The following DCAF13 variants were observed in gnomAD, a reference collection of about 807,000 sequenced individuals.
The protein encoded by DCAF13 is DDB1- and CUL4-associated factor 13.
In DCAF13, 38 loss-of-function variants were observed where a neutral mutation model predicts 59.0. That is an observed-to-expected ratio of 0.64 (90% CI 0.50 to 0.84). The LOEUF (loss-of-function observed/expected upper bound fraction) is 0.84, where lower values mean the gene tolerates loss of function less well. DCAF13 is among the 40% of genes least tolerant of loss of function. DCAF13 has a pLI of 0.00. For missense variants in DCAF13, 469 were observed against 558.4 expected (o/e 0.84, Z 1.61); for synonymous variants, 173 against 175.0 (o/e 0.99, Z 0.09).
intron 4 of DCAF13, 128 bp downstream of exon 4, chr8:103,426,273 G>T (rs1184710790): frequency 3.7e-6 from 2 of 536,158 alleles, no homozygotes; most frequent in Non-Finnish European, 3.3e-6. Context: ...GGCTGTAATT[G>T]TTGACCCATT....
rs774270409 is a variant in DCAF13 at position 103,420,347 on chromosome 8, C to T, written c.154C>T (p.Arg52Ter). The change falls in exon 2 of 11, where the codon CGA becomes TGA. Residue 52 changes from arginine to a stop codon, truncating the protein, a stop_gained. Coordinates refer to ENST00000612750, the MANE Select transcript of DCAF13 (RefSeq NM_015420.7). LOFTEE classifies it high-confidence loss of function. ...IRALNATKLE[R>*]VFAKPFLASL... ...AGCTTTAAATGCTACCAAACTGGAA[C>T]GAGTATTTGCAAAACCATTCCTTGC... The T allele has an allele frequency of 1.5e-4, 249 of 1,614,016 alleles. No homozygotes were observed. Among genetic ancestry groups the T allele is most frequent in the Non-Finnish European group, 2.1e-4 (246 of 1,180,024 alleles).
At chr8:103,423,101 C>G (rs565360834) in intron 3 of DCAF13, among the ~76,000 whole-genome samples, 2 of 152,222 alleles carry the variant, frequency 1.3e-5, no homozygotes, top group East Asian at 3.9e-4. Flanking sequence ...CCTGACCCTG[C>G]AAGCCCAGTG....
At chr8:103,425,829 G>A (rs1816784403) in intron 3 of DCAF13, among the ~76,000 whole-genome samples, 1 of 151,826 alleles carries the variant, frequency 6.6e-6, no homozygotes, top group Non-Finnish European at 1.5e-5. Flanking sequence ...CCCTGTTCTT[G>A]TTTTTCTTTT....
chr8:103,418,220 AT>A (rs1816653956), intron 1 of DCAF13, among the ~76,000 whole-genome samples: 2 of 152,116 alleles, frequency 1.3e-5, no homozygotes, highest in Non-Finnish European at 2.9e-5. Context: ...GTATAAGATA[AT>A]GAAGACCCAA....
intron 7 of DCAF13, among the ~76,000 whole-genome samples, 154 bp from the exon 8 acceptor site, chr8:103,435,472 T>G (rs772820363): frequency 2.0e-5 from 3 of 152,150 alleles, no homozygotes; most frequent in Admixed American, 6.6e-5. Context: ...GTTGAAATTT[T>G]TCCTTATCCC....
At position 103,432,266 on chromosome 8, in the gene DCAF13, T is replaced by G. The variant is rs1195956684; in HGVS notation, c.703-393T>G. ...CAACAGTGTTCCCATTGAGAAACAC[T>G]GAATTACTGATCCTTCACAGGTCAG... On this transcript the variant is annotated intron_variant, in intron 6 of 10. Transcript: ENST00000612750. 2.0e-5 allele frequency among the ~76,000 whole-genome samples: 3 copies of G among 152,208 alleles called. No individual in the cohort carries two copies. The East Asian group carries it at 5.8e-4, about 29-fold the overall frequency.
At chr8:103,423,700 G>A (rs1432899176) in intron 3 of DCAF13, among the ~76,000 whole-genome samples, 1 of 152,168 alleles carries the variant, frequency 6.6e-6, no homozygotes, top group East Asian at 1.9e-4. Context: ...AGTATGTGAG[G>A]TAACAGATAT....
At chr8:103,441,366 G>C in intron 9 of DCAF13, 89 bp from the exon 10 acceptor site, 2 of 1,271,662 alleles carry the variant, frequency 1.6e-6, no homozygotes, top group Non-Finnish European at 2.1e-6. Flanking sequence ...TAAAAGATTA[G>C]GTTAGGGGGA....
rs898719369 is a variant in DCAF13, at chr8:103,443,046, G to A, written c.*164G>A. The A allele has an allele frequency of 4.3e-5, 21 of 492,794 alleles. No homozygotes were observed. The highest frequency in any genetic ancestry group is 4.2e-4 in the African/African-American group (21 of 50,182). The allele number at this position is 492,794 out of a possible 1,614,324, so 30.5% of individuals were successfully genotyped here. A position where few individuals can be genotyped will look rare whatever the true frequency, so the allele number is the denominator to read the frequency against. On this transcript the variant is annotated 3_prime_UTR_variant, in exon 11 of 11. Coordinates refer to ENST00000612750, the MANE Select transcript of DCAF13 (RefSeq NM_015420.7). ...ACCCTGAAAAATGATCCTTAAAGGT[G>A]GCCTAGTTGGTAAGACTGTTTTATC...
chr8:103,439,899 A>G (rs1816984695), intron 8 of DCAF13: 1 of 275,424 alleles, frequency 3.6e-6, no homozygotes, highest in Non-Finnish European at 6.7e-6. Context: ...TAGTTTGTTC[A>G]TATTTATTTC....
intron 6 of DCAF13, among the ~76,000 whole-genome samples, chr8:103,431,490 A>G (rs1389568676): frequency 6.6e-6 from 1 of 152,238 alleles, no homozygotes; most frequent in African/African-American, 2.4e-5. Flanking sequence ...TTAGGAGAGT[A>G]CATTCATTGA....
At position 103,442,805 on chromosome 8, in the gene DCAF13, C is replaced by T. The variant is rs763941283; in HGVS notation, c.1261C>T (p.Arg421Cys). 2.4e-5 allele frequency: 37 copies of T among 1,572,900 alleles called. No individual in the cohort carries two copies. The highest frequency in any genetic ancestry group is 2.7e-5 in the African/African-American group (2 of 73,372). The change falls in exon 11 of 11, where the codon CGT (arginine) becomes TGT (cysteine). Residue 421 changes from arginine (R) to cysteine (C), a missense_variant. Arg to Cys is a radical substitution (Grantham distance 180). Transcript: ENST00000612750. ...ATATTTTATTTCTAGGGAAGTGAAT[C>T]GTATTAAACACAGCAAGCCTGGATC... ...KEARRRKEVN[R>C]IKHSKPGSVP...
At chr8:103,442,735 A>G in intron 10 of DCAF13, 60 bp from the exon 11 acceptor site, 1 of 1,167,802 alleles carries the variant, frequency 8.6e-7, no homozygotes, top group South Asian at 1.8e-5. Flanking sequence ...TTTTTCTGAG[A>G]AAGTTTTCTT....
At chr8:103,440,457 G>A (rs1816995331) in intron 9 of DCAF13, 186 bp downstream of exon 9, 1 of 446,166 alleles carries the variant, frequency 2.2e-6, no homozygotes, top group Non-Finnish European at 3.9e-6. Flanking sequence ...ATCTATTATT[G>A]TAGACACTGT....
chr8:103,441,343 T>C (rs1817007833), intron 9 of DCAF13, 112 bp from the exon 10 acceptor site: 4 of 896,140 alleles, frequency 4.5e-6, no homozygotes, highest in Non-Finnish European at 6.6e-6. Flanking sequence ...TTGGCAATTT[T>C]GGTTGCATAT....
chr8:103,441,781 CTTTTT>C, intron 10 of DCAF13, 163 bp downstream of exon 10: 3 of 511,086 alleles, frequency 5.9e-6, no homozygotes, highest in Non-Finnish European at 9.7e-6. Context: ...TTTCTTTTTT[CTTTTT>C]TTTTTTTTTG....
At chr8:103,427,420 A>G (rs193079494) in intron 5 of DCAF13, 168 bp downstream of exon 5, 4 of 635,450 alleles carry the variant, frequency 6.3e-6, no homozygotes, top group South Asian at 2.1e-5. Context: ...TCAAATCCCA[A>G]CATGTTTCCC....
At chr8:103,423,956 A>T (rs1257601364) in intron 3 of DCAF13, among the ~76,000 whole-genome samples, 2 of 151,868 alleles carry the variant, frequency 1.3e-5, no homozygotes, top group African/African-American at 4.8e-5. Context: ...TCAGCCTCCC[A>T]AAAAGTGTTG....
At chr8:103,420,176 A>G (rs1816702826) in intron 1 of DCAF13, 88 bp from the exon 2 acceptor site, 1 of 1,174,622 alleles carries the variant, frequency 8.5e-7, no homozygotes, top group African/African-American at 1.5e-5. Flanking sequence ...CACTAACTAA[A>G]TGCTTATTGA....
Sources: gnomAD v4.1 joint callset for allele counts (sites outside exome capture counted in the v4.1 genomes callset) on GRCh38, gnomAD v4.1.1 for gene constraint, MANE v1.5 for transcripts, NCBI Gene and HGNC (gene_info 2026-07-23, HGNC 2026-07-21) for gene names.